Variants in MMP16 observed in about 807,000 individuals in gnomAD.
MMP16 encodes matrix metalloproteinase-16.
MMP16 carries 12 observed loss-of-function variants against 67.8 expected under a neutral mutation model. That is an observed-to-expected ratio of 0.18 (90% confidence interval 0.11 to 0.29). The LOEUF is 0.29. Ranked by LOEUF, MMP16 falls within the 10% of genes least tolerant of loss-of-function variation. The pLI, the probability that MMP16 is intolerant of heterozygous loss-of-function variation, is 1.00. For missense variants in MMP16, 475 were observed against 765.7 expected (o/e 0.62, Z 4.48); for synonymous variants, 249 against 255.9 (o/e 0.97, Z 0.26).
rs144183703 is a variant in MMP16 at position 88,297,453 on chromosome 8, A to G, written c.132+29622T>C. 9.2e-5 allele frequency among the ~76,000 whole-genome samples: 14 copies of G among 152,296 alleles called. No individual in the cohort carries two copies. In the East Asian group the frequency reaches 2.7e-3, roughly 29 times the overall value. On this transcript the variant is annotated intron_variant, in intron 1 of 9. Coordinates refer to ENST00000286614, the MANE Select transcript of MMP16 (RefSeq NM_005941.5). ...TCAGTCATTATGATTAACCATAGAG[A>G]TGGCCTCTCTGCGTATGGCCCGCTC... is the stretch of plus-strand genomic sequence containing the variant.
At chr8:88,047,623 T>C (rs1423289852) in intron 8 of MMP16, among the ~76,000 whole-genome samples, 1 of 152,162 alleles carries the variant, frequency 6.6e-6, no homozygotes, top group East Asian at 1.9e-4. Context: ...CTGGAGTACC[T>C]GTGTCTACAA....
chr8:88,180,327 G>C (rs1427880580), intron 3 of MMP16, among the ~76,000 whole-genome samples: 1 of 141,996 alleles, frequency 7.0e-6, no homozygotes, highest in East Asian at 2.7e-4. Flanking sequence ...AAACAGCACA[G>C]AGTAAAAAAA....
intron 3 of MMP16, among the ~76,000 whole-genome samples, chr8:88,175,541 G>A (rs553628082): frequency 4.6e-5 from 7 of 152,196 alleles, no homozygotes; most frequent in African/African-American, 1.7e-4. Context: ...AGTCTTGTCA[G>A]CGCACTCTCA....
intron 3 of MMP16, 107 bp from the exon 4 acceptor site, chr8:88,168,080 A>G: frequency 1.3e-6 from 1 of 773,966 alleles, no homozygotes; most frequent in Non-Finnish European, 2.0e-6. Flanking sequence ...AGTCATATTA[A>G]ATAGGAATAA....
At chr8:88,165,904 C>T (rs1257148138) in intron 4 of MMP16, among the ~76,000 whole-genome samples, 2 of 152,106 alleles carry the variant, frequency 1.3e-5, no homozygotes, top group African/African-American at 2.4e-5. Flanking sequence ...AAATCTTCCA[C>T]TAGTCTTCAA....
intron 1 of MMP16, among the ~76,000 whole-genome samples, chr8:88,255,033 T>A (rs1032214307): frequency 3.3e-5 from 5 of 152,136 alleles, no homozygotes; most frequent in African/African-American, 1.2e-4. Context: ...TGGGAAAAAA[T>A]TCATACACAC....
At chr8:88,279,878 G>GT (rs1563582276) in intron 1 of MMP16, among the ~76,000 whole-genome samples, 8 of 152,134 alleles carry the variant, frequency 5.3e-5, no homozygotes, top group Admixed American at 3.3e-4. Context: ...AAGAAACTAT[G>GT]TAAGAACCAT....
chr8:88,060,472 T>A, intron 7 of MMP16, among the ~76,000 whole-genome samples: 1 of 152,156 alleles, frequency 6.6e-6, no homozygotes, highest in Non-Finnish European at 1.5e-5. Context: ...GCATTCAGGA[T>A]AAAACCCAAA....
chr8:88,156,849 CTATG>C (rs1272857114), intron 4 of MMP16, among the ~76,000 whole-genome samples: 1 of 151,786 alleles, frequency 6.6e-6, no homozygotes, highest in African/African-American at 2.4e-5. Context: ...TCTACAGAGA[CTATG>C]TAAGAGAAGA....
At chr8:88,309,480 T>A (rs556959937) in intron 1 of MMP16, among the ~76,000 whole-genome samples, 1 of 152,024 alleles carries the variant, frequency 6.6e-6, no homozygotes, top group South Asian at 2.1e-4. Flanking sequence ...AGAAAATTTC[T>A]GGAAATTAAG....
intron 1 of MMP16, among the ~76,000 whole-genome samples, chr8:88,261,793 A>ACACAAC (rs10685077): frequency 2.6e-5 from 4 of 151,056 alleles, no homozygotes; most frequent in Non-Finnish European, 4.4e-5. Flanking sequence ...ACACACACAC[A>ACACAAC]ACCATATAAC....
chr8:88,273,477 G>A (rs1324504221), intron 1 of MMP16, among the ~76,000 whole-genome samples: 1 of 152,022 alleles, frequency 6.6e-6, no homozygotes, highest in East Asian at 1.9e-4. Flanking sequence ...GGTTAATCTT[G>A]CACAGAGTGA....
intron 2 of MMP16, among the ~76,000 whole-genome samples, chr8:88,187,331 A>C (rs1809090798): frequency 6.6e-6 from 1 of 152,116 alleles, no homozygotes; most frequent in Non-Finnish European, 1.5e-5. Context: ...AAATAGTCTA[A>C]TTTCTCTTCT....
At chr8:88,205,143 G>A (rs1809405738) in intron 1 of MMP16, among the ~76,000 whole-genome samples, 1 of 152,052 alleles carries the variant, frequency 6.6e-6, no homozygotes, top group African/African-American at 2.4e-5. Flanking sequence ...CTCATATTCA[G>A]CACTATAACC....
At position 88,209,423 on chromosome 8, in the gene MMP16, A is replaced by G. The variant is rs556108191; in HGVS notation, c.133-12117T>C. 5.9e-5 allele frequency among the ~76,000 whole-genome samples: 9 copies of G among 152,334 alleles called. No homozygotes were observed. In the East Asian group the frequency reaches 1.5e-3, roughly 26 times the overall value. On this transcript the variant is annotated intron_variant, in intron 1 of 9. Transcript: ENST00000286614. ...CTTACTTATTGTTAGAATACAGTAT[A>G]TAATACCTATAACATGCAAATATGG...
intron 3 of MMP16, among the ~76,000 whole-genome samples, chr8:88,175,912 G>A (rs1029384338): frequency 6.6e-6 from 1 of 152,188 alleles, no homozygotes; most frequent in Non-Finnish European, 1.5e-5. Context: ...CTTGCCTGCT[G>A]CCATGTAAGT....
At chr8:88,167,136 G>A (rs1027651239) in intron 4 of MMP16, among the ~76,000 whole-genome samples, 9 of 152,072 alleles carry the variant, frequency 5.9e-5, no homozygotes, top group Non-Finnish European at 1.0e-4. Flanking sequence ...CACTTGAACC[G>A]AGGAAGTGGA....
At chr8:88,064,855 T>C (rs937026084) in intron 7 of MMP16, among the ~76,000 whole-genome samples, 1 of 152,122 alleles carries the variant, frequency 6.6e-6, no homozygotes, top group Admixed American at 6.6e-5. Context: ...TCCACAATAT[T>C]ATCTAGCAAG....
At chr8:88,124,042 A>T (rs770669755) in intron 4 of MMP16, among the ~76,000 whole-genome samples, 82 of 151,992 alleles carry the variant, frequency 5.4e-4, no homozygotes, top group Non-Finnish European at 9.9e-4. Context: ...TGTTTATTGC[A>T]ATCATTTTTA....
Sources: gnomAD v4.1 joint callset for allele counts (sites outside exome capture counted in the v4.1 genomes callset) on GRCh38, gnomAD v4.1.1 for gene constraint, MANE v1.5 for transcripts, NCBI Gene and HGNC (gene_info 2026-07-23, HGNC 2026-07-21) for gene names.